CNBD1: variants seen among roughly 807,000 people sequenced by gnomAD.
The protein encoded by CNBD1 is cyclic nucleotide-binding domain-containing protein 1.
CNBD1 carries 71 observed loss-of-function variants against 54.4 expected under a neutral mutation model. That is an observed-to-expected ratio of 1.30 (90% CI 1.08 to 1.59). CNBD1 has a LOEUF of 1.59. CNBD1 is among the 40% of genes most tolerant of loss of function. The pLI is 0.00. For synonymous variants in CNBD1, 182 were observed against 170.7 expected, an observed-to-expected ratio of 1.07 and a Z score of -0.51; for missense variants, 659 against 518.0, an observed-to-expected ratio of 1.27 and a Z score of -2.64.
At chr8:87,304,494 G>T (rs1254546493) in intron 8 of CNBD1, among the ~76,000 whole-genome samples, 1 of 151,974 alleles carries the variant, frequency 6.6e-6, no homozygotes, top group Non-Finnish European at 1.5e-5. Context: ...TGTGGGGTGG[G>T]GTGAGGGGGG....
chr8:87,085,555 T>G (rs574456717), intron 4 of CNBD1, among the ~76,000 whole-genome samples: 65 of 152,332 alleles, frequency 4.3e-4, no homozygotes, highest in Non-Finnish European at 1.6e-4. Flanking sequence ...CTTATGGTTA[T>G]CCTCAGTGCA....
chr8:87,095,919 AAATGTTGGGATTACAG>A (rs1016438398), intron 4 of CNBD1, among the ~76,000 whole-genome samples: 1 of 152,136 alleles, frequency 6.6e-6, no homozygotes, highest in Admixed American at 6.5e-5. Context: ...TGGCCTCCCA[AAATGTTGGGATTACAG>A]GCATGAGCCA....
At position 86,891,327 on chromosome 8, in the gene CNBD1, C is replaced by G. The variant is rs548347231; in HGVS notation, c.158+3716C>G. ...TGTGGATATCCAGTTTTTTAAAGCA[C>G]CACTTATTAGACAGACTGTCCTTTT... is the stretch of plus-strand genomic sequence containing the variant. On this transcript the variant is annotated intron_variant, in intron 2 of 10. Coordinates refer to ENST00000518476, the MANE Select transcript of CNBD1 (RefSeq NM_173538.3). 1.6e-3 allele frequency among the ~76,000 whole-genome samples: 242 copies of G among 152,126 alleles called. 1 individual carries two copies. The highest frequency in any genetic ancestry group is 3.9e-3 in the South Asian group (19 of 4,822).
chr8:86,997,927 T>G (rs1345645767), intron 4 of CNBD1, among the ~76,000 whole-genome samples: 2 of 152,208 alleles, frequency 1.3e-5, no homozygotes, highest in Non-Finnish European at 2.9e-5. Context: ...TGGGACAATT[T>G]AGTTTAACGT....
intron 4 of CNBD1, among the ~76,000 whole-genome samples, chr8:87,092,546 TATATATATATACAC>T (rs1396851784): frequency 1.2e-5 from 1 of 80,620 alleles, no homozygotes; most frequent in African/African-American, 5.4e-5. Flanking sequence ...TGTGTGTGTA[TATATATATATACAC>T]ATATGTGTGT....
intron 10 of CNBD1, among the ~76,000 whole-genome samples, chr8:87,366,848 T>C (rs1043136822): frequency 6.6e-6 from 1 of 152,222 alleles, no homozygotes; most frequent in East Asian, 1.9e-4. Flanking sequence ...AGTGAAAATG[T>C]TCTTAATTGT....
chr8:87,040,784 T>A (rs1347064381), intron 4 of CNBD1, among the ~76,000 whole-genome samples: 2 of 151,346 alleles, frequency 1.3e-5, no homozygotes, highest in Admixed American at 1.3e-4. Flanking sequence ...TTAAAATTAT[T>A]GAGTTGAATA....
chr8:87,005,918 A>T (rs1809088984), intron 4 of CNBD1, among the ~76,000 whole-genome samples: 1 of 152,122 alleles, frequency 6.6e-6, no homozygotes, highest in Non-Finnish European at 1.5e-5. Context: ...TGAAAAATAC[A>T]TTTCTGGGTT....
chr8:86,959,007 T>C lies in CNBD1; in HGVS notation c.431+19253T>C, dbSNP rs181519508. Among the ~76,000 whole-genome samples, 674 of 152,330 alleles carry C rather than the reference T, an allele frequency of 4.4e-3. 5 individuals are homozygous for C. The highest frequency in any genetic ancestry group is 0.014 in the African/African-American group (600 of 41,566). On this transcript the variant is annotated intron_variant, in intron 4 of 10. Coordinates refer to ENST00000518476, the MANE Select transcript of CNBD1 (RefSeq NM_173538.3). Reference sequence around the variant, plus strand: ...GGTACCGGTTGTTCTTTTCCATGTTTAGTTCTTCCTCCAGGAGTTCTTGTA... The same window carrying C: ...GGTACCGGTTGTTCTTTTCCATGTTCAGTTCTTCCTCCAGGAGTTCTTGTA...
chr8:87,358,398 A>G (rs1160566444), intron 10 of CNBD1, among the ~76,000 whole-genome samples: 1 of 152,104 alleles, frequency 6.6e-6, no homozygotes, highest in Non-Finnish European at 1.5e-5. Flanking sequence ...ATAATTACTA[A>G]CCACCAATTA....
chr8:87,365,387 C>G (rs1309207626), intron 10 of CNBD1, among the ~76,000 whole-genome samples: 1 of 151,770 alleles, frequency 6.6e-6, no homozygotes. Flanking sequence ...CTTATAGATT[C>G]TGGATATTAG....
intron 8 of CNBD1, among the ~76,000 whole-genome samples, chr8:87,296,003 C>T (rs563923248): frequency 5.6e-4 from 85 of 152,232 alleles, no homozygotes; most frequent in Non-Finnish European, 1.0e-3. Flanking sequence ...TATAACCAAA[C>T]TGTTAACAAT....
In CNBD1 at chr8:87,098,650, G is replaced by A. The variant is rs564581531; in HGVS notation, c.432-107343G>A. ...AAAGATCAAACAGAAGCCACATAGA[G>A]TTTGATTTATTCATTTGTTAATTCA... On this transcript the variant is annotated intron_variant, in intron 4 of 10. Transcript: ENST00000518476. Among the ~76,000 whole-genome samples, 74 of 151,126 alleles carry A rather than the reference G, an allele frequency of 4.9e-4. 2 individuals carry two copies. The South Asian group carries it at 0.014, about 28-fold the overall frequency.
chr8:86,995,364 A>T (rs138330680), intron 4 of CNBD1, among the ~76,000 whole-genome samples: 155 of 152,348 alleles, frequency 1.0e-3, no homozygotes, highest in Middle Eastern at 3.4e-3. Flanking sequence ...GCAGAAACAG[A>T]CATGGTAAAT....
intron 4 of CNBD1, among the ~76,000 whole-genome samples, chr8:87,174,840 T>C (rs1267278939): frequency 6.6e-6 from 1 of 152,166 alleles, no homozygotes; most frequent in Non-Finnish European, 1.5e-5. Context: ...GGTACTGCCT[T>C]GGTGGTCATG....
chr8:87,150,152 G>T (rs570145428), intron 4 of CNBD1, among the ~76,000 whole-genome samples: 1 of 152,050 alleles, frequency 6.6e-6, no homozygotes, highest in African/African-American at 2.4e-5. Flanking sequence ...ACGCCAGCCT[G>T]GGTGACAGAG....
rs11402011 is a variant in CNBD1, at chr8:87,099,034, C to CAAA, written c.432-106935_432-106933dup. The stretch of plus-strand genomic sequence containing the variant: ...CCTGGGACAGAGCAAGACTGTGTCT[C>CAAA]AAAAAAAAAAAAAAAAAAAAAAAAA... On this transcript the variant is annotated intron_variant, in intron 4 of 10. Coordinates refer to ENST00000518476, the MANE Select transcript of CNBD1 (RefSeq NM_173538.3). 3.0e-3 allele frequency among the ~76,000 whole-genome samples: 69 copies of CAAA among 23,018 alleles called. 2 individuals are homozygous for CAAA. In the South Asian group the frequency reaches 0.034, roughly 11 times the overall value. The allele number at this position is 23,018 out of a possible 152,430, so 15.1% of individuals were successfully genotyped here. A position where few individuals can be genotyped will look rare whatever the true frequency, so the allele number is the denominator to read the frequency against.
At chr8:87,385,862 A>G (rs144458363), downstream of CNBD1, among the ~76,000 whole-genome samples, 2 of 152,112 alleles carry the variant, frequency 1.3e-5, no homozygotes, top group South Asian at 4.1e-4. Context: ...CTGGGAGGCA[A>G]CACCCAGTAG....
intron 8 of CNBD1, among the ~76,000 whole-genome samples, chr8:87,300,366 A>C (rs1808964278): frequency 6.6e-6 from 1 of 152,102 alleles, no homozygotes; most frequent in South Asian, 2.1e-4. Flanking sequence ...AAACCCCAAA[A>C]GTCTGGAGAG....
Sources: allele counts gnomAD v4.1 joint callset (sites outside exome capture counted in the v4.1 genomes callset), GRCh38; gene constraint gnomAD v4.1.1; transcripts MANE v1.5; gene names NCBI Gene and HGNC (gene_info 2026-07-23, HGNC 2026-07-21).